Variants in HMGB1 observed in about 807,000 individuals in gnomAD.
HMGB1 encodes the protein high mobility group box 1, also known as high mobility group protein B1.
For synonymous variants in HMGB1, 81 were observed against 84.0 expected (o/e 0.96, Z 0.19); for missense variants, 79 against 253.5 (o/e 0.31, Z 4.67).
At chr13:30,524,732 T>G (rs771761931) in intron 1 of HMGB1, among the ~76,000 whole-genome samples, 7 of 151,804 alleles carry the variant, frequency 4.6e-5, no homozygotes, top group Non-Finnish European at 8.8e-5. Context: ...AATAATTTGG[T>G]GAAATTCTTC....
intron 1 of HMGB1, among the ~76,000 whole-genome samples, chr13:30,529,771 A>T (rs1888454144): frequency 2.0e-5 from 3 of 151,892 alleles, no homozygotes; most frequent in South Asian, 2.1e-4. Context: ...GCAGCCATAC[A>T]GCTAACAGAT....
chr13:30,482,721 A>G (rs368053967), intron 1 of HMGB1, among the ~76,000 whole-genome samples: 12 of 152,178 alleles, frequency 7.9e-5, no homozygotes, highest in African/African-American at 2.9e-4. Context: ...ATTGGTAGCG[A>G]CTTCAAGGGT....
At chr13:30,494,367 CT>C (rs549003076) in intron 1 of HMGB1, among the ~76,000 whole-genome samples, 32 of 147,226 alleles carry the variant, frequency 2.2e-4, no homozygotes, top group South Asian at 2.1e-4. Context: ...ATTTTAACCA[CT>C]TTTTTTTTTT....
chr13:30,483,154 C>G (rs1442019420), intron 1 of HMGB1, among the ~76,000 whole-genome samples: 1 of 151,994 alleles, frequency 6.6e-6, no homozygotes, highest in Non-Finnish European at 1.5e-5. Context: ...AGAATATAGC[C>G]AAGGGGTAGC....
chr13:30,496,163 C>T (rs1887605980), intron 1 of HMGB1, among the ~76,000 whole-genome samples: 2 of 151,974 alleles, frequency 1.3e-5, no homozygotes, highest in South Asian at 4.1e-4. Flanking sequence ...ATGGGGGTGC[C>T]CAAAGGAAGG....
intron 1 of HMGB1, among the ~76,000 whole-genome samples, chr13:30,535,754 G>C (rs1868401514): frequency 6.6e-6 from 1 of 152,188 alleles, no homozygotes. Context: ...GCCAGGCGTG[G>C]TGCCACATGC....
intron 1 of HMGB1, chr13:30,465,157 C>G: frequency 2.1e-6 from 2 of 968,104 alleles, no homozygotes; most frequent in Non-Finnish European, 2.4e-6. Flanking sequence ...CAGCCATGTT[C>G]CAGCGAGCGC....
At chr13:30,568,592 C>T (rs996207593) in intron 1 of HMGB1, among the ~76,000 whole-genome samples, 1 of 152,136 alleles carries the variant, frequency 6.6e-6, no homozygotes, top group Non-Finnish European at 1.5e-5. Flanking sequence ...GACCCTAAAT[C>T]CAATGACATT....
At chr13:30,481,233 G>A (rs1255477919) in intron 1 of HMGB1, among the ~76,000 whole-genome samples, 2 of 150,428 alleles carry the variant, frequency 1.3e-5, no homozygotes, top group African/African-American at 2.4e-5. Context: ...CTGAACTTTC[G>A]ATCTTTTTCA....
intron 1 of HMGB1, among the ~76,000 whole-genome samples, chr13:30,550,409 G>A (rs1234347949): frequency 6.6e-6 from 1 of 152,174 alleles, no homozygotes; most frequent in Non-Finnish European, 1.5e-5. Flanking sequence ...CAGTGCTAAC[G>A]ACTGAATGGA....
chr13:30,512,815 C>T (rs562321183), intron 1 of HMGB1, among the ~76,000 whole-genome samples: 1 of 152,264 alleles, frequency 6.6e-6, no homozygotes, highest in East Asian at 1.9e-4. Flanking sequence ...ACAGTCCATG[C>T]ACCTTTTGAG....
At chr13:30,483,795 G>A (rs1039037970) in intron 1 of HMGB1, among the ~76,000 whole-genome samples, 1 of 151,870 alleles carries the variant, frequency 6.6e-6, no homozygotes, top group Non-Finnish European at 1.5e-5. Flanking sequence ...TAAATTTTTT[G>A]TAGAGATGGT....
At chr13:30,515,175 T>A (rs1888075380) in intron 1 of HMGB1, among the ~76,000 whole-genome samples, 1 of 152,218 alleles carries the variant, frequency 6.6e-6, no homozygotes, top group Non-Finnish European at 1.5e-5. Context: ...TGAAAGCAGC[T>A]TTTAGAACCA....
At chr13:30,474,708 T>C (rs4519192) in intron 1 of HMGB1, among the ~76,000 whole-genome samples, 28,592 of 150,660 alleles carry the variant, frequency 0.19, 3,172 homozygotes, top group East Asian at 0.32. Context: ...TAAGCAGTGA[T>C]TGAACCACTG....
intron 1 of HMGB1, among the ~76,000 whole-genome samples, chr13:30,498,573 C>A (rs1887663328): frequency 6.6e-6 from 1 of 151,812 alleles, no homozygotes; most frequent in Admixed American, 6.6e-5. Context: ...GAGTAGGACA[C>A]AATTTCAATG....
In HMGB1 at chr13:30,568,641, G is replaced by A. The variant is rs114853490; in HGVS notation, c.-15+48030C>T. Among the ~76,000 whole-genome samples, 714 of 152,320 alleles carry A rather than the reference G, an allele frequency of 4.7e-3. 4 individuals carry two copies. The highest frequency in any genetic ancestry group is 0.015 in the African/African-American group (612 of 41,580). On this transcript the variant is annotated intron_variant, in intron 1 of 4. Coordinates refer to the HMGB1 transcript ENST00000405805. ...GAAAGGTAGAGGGAACTGTGAGACAGACACAGAGGGGAGGGCCTTGTGAAG... is the reference window on the plus strand; with the variant it reads ...GAAAGGTAGAGGGAACTGTGAGACAAACACAGAGGGGAGGGCCTTGTGAAG...
chr13:30,588,253 C>T (rs1593329581), intron 1 of HMGB1, among the ~76,000 whole-genome samples: 1 of 152,112 alleles, frequency 6.6e-6, no homozygotes, highest in Non-Finnish European at 1.5e-5. Flanking sequence ...TATACATACG[C>T]ACTAAAGCAA....
intron 1 of HMGB1, among the ~76,000 whole-genome samples, chr13:30,557,477 A>C (rs1869739434): frequency 6.6e-6 from 1 of 152,206 alleles, no homozygotes; most frequent in Non-Finnish European, 1.5e-5. Flanking sequence ...GGTCAAAACC[A>C]TGTTTCATGT....
At chr13:30,479,540 T>C (rs1190536267) in intron 1 of HMGB1, among the ~76,000 whole-genome samples, 1 of 152,150 alleles carries the variant, frequency 6.6e-6, no homozygotes, top group Non-Finnish European at 1.5e-5. Context: ...GTCACAAGAG[T>C]TTTTGAATTC....
Sources: gnomAD v4.1 joint callset for allele counts (sites outside exome capture counted in the v4.1 genomes callset) on GRCh38, gnomAD v4.1.1 for gene constraint, MANE v1.5 for transcripts, NCBI Gene and HGNC (gene_info 2026-07-23, HGNC 2026-07-21) for gene names.